The following UBL3 variants were observed in gnomAD, a reference collection of about 807,000 sequenced individuals.
UBL3 encodes the protein ubiquitin-like protein 3.
In UBL3, 6 loss-of-function variants were observed where a neutral mutation model predicts 18.4. That is an observed-to-expected ratio of 0.33 (90% CI 0.18 to 0.64). The LOEUF (loss-of-function observed/expected upper bound fraction) is 0.64, where lower values mean the gene tolerates loss of function less well. UBL3 is among the 30% of genes least tolerant of loss of function. The pLI is 0.76. For synonymous variants in UBL3, 49 were observed against 46.6 expected, an observed-to-expected ratio of 1.05 and a Z score of -0.21; for missense variants, 109 against 142.9, an observed-to-expected ratio of 0.76 and a Z score of 1.21.
chr13:29,835,784 A>G (rs149217851), intron 1 of UBL3, among the ~76,000 whole-genome samples: 1,685 of 144,692 alleles, frequency 0.012, 34 homozygotes, highest in African/African-American at 0.041. Flanking sequence ...AAAAAAAAGT[A>G]TATTGATGAA....
intron 2 of UBL3, among the ~76,000 whole-genome samples, chr13:29,772,884 GT>G (rs1475995524): frequency 6.6e-6 from 1 of 151,944 alleles, no homozygotes; most frequent in African/African-American, 2.4e-5. Context: ...GGCAGAATGG[GT>G]AACAGAATAT....
intron 1 of UBL3, among the ~76,000 whole-genome samples, chr13:29,835,125 AATATATATATATATATATATATATAT>A (rs59643985): frequency 0.15 from 3,431 of 23,388 alleles, 381 homozygotes; most frequent in Non-Finnish European, 0.18. Context: ...TATATATATA[AATATATATATATATATATATATATAT>A]ATATATATAT....
chr13:29,821,267 A>T (rs577294622), intron 1 of UBL3, among the ~76,000 whole-genome samples: 1 of 152,330 alleles, frequency 6.6e-6, no homozygotes, highest in South Asian at 2.1e-4. Flanking sequence ...TTAACCTATT[A>T]CTTATAGGTT....
intron 1 of UBL3, among the ~76,000 whole-genome samples, chr13:29,837,161 A>G (rs1878978777): frequency 6.6e-6 from 1 of 152,220 alleles, no homozygotes; most frequent in Non-Finnish European, 1.5e-5. Context: ...GATTCTCTAT[A>G]ATTTTTCATC....
intron 1 of UBL3, among the ~76,000 whole-genome samples, chr13:29,809,451 G>A (rs1184778026): frequency 2.6e-5 from 4 of 152,146 alleles, no homozygotes; most frequent in Middle Eastern, 3.2e-3. Context: ...AGGCTGAAGA[G>A]CAAGCAAGAG....
At chr13:29,821,498 A>T (rs1273055068) in intron 1 of UBL3, among the ~76,000 whole-genome samples, 1 of 152,166 alleles carries the variant, frequency 6.6e-6, no homozygotes, top group Non-Finnish European at 1.5e-5. Context: ...TGGTAAATCT[A>T]ACTTTAAAAC....
chr13:29,818,217 C>A (rs1434885585), intron 1 of UBL3, among the ~76,000 whole-genome samples: 1 of 152,168 alleles, frequency 6.6e-6, no homozygotes, highest in Non-Finnish European at 1.5e-5. Flanking sequence ...TTCACATATA[C>A]TCACAGGCTT....
At chr13:29,842,704 T>G (rs1242716399) in intron 1 of UBL3, among the ~76,000 whole-genome samples, 1 of 152,186 alleles carries the variant, frequency 6.6e-6, no homozygotes, top group African/African-American at 2.4e-5. Flanking sequence ...CAAATATTAG[T>G]TCTCTCTCCT....
At chr13:29,847,922 A>G (rs776556880) in intron 1 of UBL3, among the ~76,000 whole-genome samples, 2 of 152,158 alleles carry the variant, frequency 1.3e-5, no homozygotes, top group African/African-American at 4.8e-5. Context: ...AGCGAAAACT[A>G]AAAGGACAAC....
intron 1 of UBL3, among the ~76,000 whole-genome samples, chr13:29,789,216 G>A (rs1308207607): frequency 1.3e-5 from 2 of 152,170 alleles, no homozygotes; most frequent in East Asian, 1.9e-4. Context: ...TTGTTTAATG[G>A]GCATAGAGTT....
At chr13:29,795,374 T>C (rs1189597316) in intron 1 of UBL3, among the ~76,000 whole-genome samples, 3 of 152,130 alleles carry the variant, frequency 2.0e-5, no homozygotes, top group African/African-American at 7.2e-5. Context: ...ATATAAAAAA[T>C]ATATACTTAA....
Position 29,801,837 on chromosome 13 carries a change from C to T in UBL3, c.28-24574G>A, listed in dbSNP as rs540731467. Among the ~76,000 whole-genome samples, 7 of 152,314 alleles carry T rather than the reference C, an allele frequency of 4.6e-5. No homozygotes were observed. In the East Asian group the frequency reaches 1.4e-3, roughly 29 times the overall value. On this transcript the variant is annotated intron_variant, in intron 1 of 4. Coordinates refer to ENST00000380680, the MANE Select transcript of UBL3 (RefSeq NM_007106.4). ...CAGCCACCCCACCCCAGGCCGAACACACTGATTGATAGAGGGTCTGCATTT... is the reference window on the plus strand; with the variant it reads ...CAGCCACCCCACCCCAGGCCGAACATACTGATTGATAGAGGGTCTGCATTT...
chr13:29,784,875 G>A (rs1877268999), intron 1 of UBL3, among the ~76,000 whole-genome samples: 3 of 151,798 alleles, frequency 2.0e-5, no homozygotes, highest in Admixed American at 2.0e-4. Context: ...ATATAAAACT[G>A]GACAAATATT....
At chr13:29,816,541 A>T (rs1177662788) in intron 1 of UBL3, among the ~76,000 whole-genome samples, 1 of 151,920 alleles carries the variant, frequency 6.6e-6, no homozygotes, top group Non-Finnish European at 1.5e-5. Context: ...GGAGGATTGA[A>T]TAAGCCCAAG....
intron 1 of UBL3, among the ~76,000 whole-genome samples, chr13:29,781,701 TG>T (rs1877178703): frequency 6.6e-6 from 1 of 151,788 alleles, no homozygotes; most frequent in African/African-American, 2.4e-5. Flanking sequence ...AAAATGAAGT[TG>T]GCCAGGTGCA....
At chr13:29,784,347 G>A (rs1004832881) in intron 1 of UBL3, among the ~76,000 whole-genome samples, 21 of 151,990 alleles carry the variant, frequency 1.4e-4, no homozygotes, top group African/African-American at 5.1e-4. Context: ...AGACAAATAC[G>A]TTGATCAGAA....
At chr13:29,795,904 C>T (rs1212098296) in intron 1 of UBL3, among the ~76,000 whole-genome samples, 1 of 150,914 alleles carries the variant, frequency 6.6e-6, no homozygotes, top group Non-Finnish European at 1.5e-5. Flanking sequence ...TGCACTACAG[C>T]CTGGGTGGCA....
intron 1 of UBL3, among the ~76,000 whole-genome samples, chr13:29,839,545 T>C (rs1879041494): frequency 6.6e-6 from 1 of 152,152 alleles, no homozygotes. Flanking sequence ...TCTCAGCTAC[T>C]TGGGAGGCTA....
At chr13:29,822,259 A>T (rs570962154) in intron 1 of UBL3, among the ~76,000 whole-genome samples, 15 of 152,330 alleles carry the variant, frequency 9.8e-5, no homozygotes, top group South Asian at 8.3e-4. Context: ...AAATCTAAAG[A>T]TTCTTTTCAA....
Sources: gnomAD v4.1 joint callset for allele counts (sites outside exome capture counted in the v4.1 genomes callset) on GRCh38, gnomAD v4.1.1 for gene constraint, MANE v1.5 for transcripts, NCBI Gene and HGNC (gene_info 2026-07-23, HGNC 2026-07-21) for gene names.